The following PTK2B variants were observed in gnomAD, a reference collection of about 807,000 sequenced individuals.
PTK2B encodes the protein protein tyrosine kinase 2 beta.
A neutral mutation model predicts 142.9 loss-of-function variants in PTK2B; 71 were observed. That is an observed-to-expected ratio of 0.50 (90% CI 0.41 to 0.61). The LOEUF is 0.61. PTK2B is among the 20% of genes least tolerant of loss of function. The pLI is 0.00. For missense variants in PTK2B, 1,105 were observed against 1,320.4 expected (o/e 0.84, Z 2.53); for synonymous variants, 519 against 503.4 (o/e 1.03, Z -0.42).
At chr8:27,401,338 T>C (rs1279841710) in intron 2 of PTK2B, among the ~76,000 whole-genome samples, 2 of 152,150 alleles carry the variant, frequency 1.3e-5, no homozygotes, top group African/African-American at 4.8e-5. Context: ...TGGCTGGTAG[T>C]GTCAGATGCT....
intron 2 of PTK2B, among the ~76,000 whole-genome samples, chr8:27,398,898 G>A (rs2131433163): frequency 6.6e-6 from 1 of 152,312 alleles, no homozygotes; most frequent in South Asian, 2.1e-4. Context: ...AATTGATTAT[G>A]TCACTGTCAT....
At chr8:27,450,508 G>A (rs41465447) in intron 24 of PTK2B, among the ~76,000 whole-genome samples, 1,956 of 152,262 alleles carry the variant, frequency 0.013, 89 homozygotes, top group East Asian at 0.12. Flanking sequence ...TGAATACAGC[G>A]CACGTTGAGC....
chr8:27,349,659 A>G (rs1415095743), intron 1 of PTK2B, among the ~76,000 whole-genome samples: 1 of 152,250 alleles, frequency 6.6e-6, no homozygotes, highest in East Asian at 1.9e-4. Context: ...AAGAGCTGCT[A>G]TAAAACTCAA....
intron 2 of PTK2B, among the ~76,000 whole-genome samples, chr8:27,312,722 A>G (rs1803005724): frequency 6.6e-6 from 1 of 152,244 alleles, no homozygotes; most frequent in Non-Finnish European, 1.5e-5. Context: ...GGCAGGTCAT[A>G]GAAACCAGAA....
rs764579425 is a variant in PTK2B, at chr8:27,439,100, C to G, written c.1713C>G (p.Ser571=). 8.7e-6 allele frequency: 14 copies of G among 1,613,820 alleles called. 1 individual carries two copies. In the Admixed American group the frequency reaches 2.3e-4, roughly 27 times the overall value. ...ECVKLGDFGL[S]RYIEDEDYYK... is the part of the protein sequence containing the mutation. ...TGAAGCTGGGGGACTTTGGTCTTTC[C>G]CGGTACATTGAGGACGAGGACTATT... The change falls in exon 19 of 31, where the codon TCC becomes TCG. Residue 571 remains serine, a synonymous_variant. Coordinates refer to ENST00000346049, the MANE Select transcript of PTK2B (RefSeq NM_173176.3).
chr8:27,341,641 G>A (rs1040217856), intron 1 of PTK2B, among the ~76,000 whole-genome samples: 2 of 152,096 alleles, frequency 1.3e-5, no homozygotes, highest in Non-Finnish European at 2.9e-5. Context: ...GGAGTCAGTG[G>A]CATCAGAATC....
At chr8:27,343,588 T>G (rs976809744) in intron 1 of PTK2B, among the ~76,000 whole-genome samples, 12 of 152,232 alleles carry the variant, frequency 7.9e-5, no homozygotes, top group African/African-American at 2.9e-4. Context: ...GCTCACAGAA[T>G]GCACCTTCAG....
intron 2 of PTK2B, among the ~76,000 whole-genome samples, chr8:27,412,363 T>C (rs1724310049): frequency 6.6e-6 from 1 of 152,150 alleles, no homozygotes; most frequent in Admixed American, 6.5e-5. Context: ...TAGTATAGAT[T>C]CAGGTGTAGT....
Position 27,426,731 on chromosome 8 carries a change from T to A in PTK2B, c.552-3362T>A, listed in dbSNP as rs1221145851. On this transcript the variant is annotated intron_variant, in intron 5 of 30. Transcript: ENST00000346049. Reference sequence around the variant, plus strand: ...GAAGGGCCATTTGGGACACAGGGAGTGGCCTAAGCAAGCTGGATTCAGGAG... The same window carrying A: ...GAAGGGCCATTTGGGACACAGGGAGAGGCCTAAGCAAGCTGGATTCAGGAG... Among the ~76,000 whole-genome samples, 5 of 152,224 alleles carry A rather than the reference T, an allele frequency of 3.3e-5. No individual in the cohort carries two copies. In the East Asian group the frequency reaches 7.7e-4, roughly 24 times the overall value.
At chr8:27,348,750 G>A (rs2130401243) in intron 1 of PTK2B, among the ~76,000 whole-genome samples, 1 of 152,186 alleles carries the variant, frequency 6.6e-6, no homozygotes, top group South Asian at 2.1e-4. Context: ...GGTTCTTGAA[G>A]GGCCGGATCT....
Position 27,445,743 on chromosome 8 carries a change from T to C in PTK2B, c.2215-51T>C, listed in dbSNP as rs754703768. Reference sequence around the variant, plus strand: ...CTCGTGTTTGTAGCAGCTAATTGTCTACCTTCTCGCTTTGTCCCGTGCCTT... The same window carrying C: ...CTCGTGTTTGTAGCAGCTAATTGTCCACCTTCTCGCTTTGTCCCGTGCCTT... On this transcript the variant is annotated intron_variant, in intron 23 of 30. Coordinates refer to ENST00000346049, the MANE Select transcript of PTK2B (RefSeq NM_173176.3). The C allele has an allele frequency of 3.1e-6, 5 of 1,607,854 alleles. No individual in the cohort carries two copies. In the South Asian group the frequency reaches 5.5e-5, roughly 18 times the overall value.
Position 27,437,188 on chromosome 8 carries a change from A to C in PTK2B, c.1408A>C (p.Lys470Gln). The C allele has an allele frequency of 6.2e-7, 1 of 1,613,892 alleles. No homozygotes were observed. Among genetic ancestry groups the C allele is most frequent in the Non-Finnish European group, 8.5e-7 (1 of 1,179,888 alleles). Residue 470 changes from lysine to glutamine, a missense_variant, in exon 16 of 31, where the codon AAG becomes CAG. Coordinates refer to ENST00000346049, the MANE Select transcript of PTK2B (RefSeq NM_173176.3). ...AGACTGCACTCTGGACAACAAGGAG[A>C]AGTTCATGAGCGAGGCAGGTAGGGA... ...KKDCTLDNKE[K>Q]FMSEAVIMKN...
intron 2 of PTK2B, among the ~76,000 whole-genome samples, chr8:27,413,872 C>T (rs1171327583): frequency 6.6e-6 from 1 of 152,166 alleles, no homozygotes; most frequent in Non-Finnish European, 1.5e-5. Flanking sequence ...ATCCTTTCTT[C>T]TACATTTATT....
chr8:27,381,465 TTAACA>T (rs569130444), intron 1 of PTK2B, among the ~76,000 whole-genome samples: 78 of 152,380 alleles, frequency 5.1e-4, no homozygotes, highest in African/African-American at 1.7e-3. Context: ...CTTATTTCAC[TTAACA>T]TAACATCCTC....
chr8:27,392,545 G>A (rs1352617804), intron 1 of PTK2B, among the ~76,000 whole-genome samples: 1 of 152,152 alleles, frequency 6.6e-6, no homozygotes, highest in African/African-American at 2.4e-5. Flanking sequence ...CTTTATAGGG[G>A]AGGAAAATGA....
chr8:27,443,974 A>G (rs1991570), intron 22 of PTK2B, among the ~76,000 whole-genome samples: 73,397 of 152,052 alleles, frequency 0.48, 18,296 homozygotes, highest in African/African-American at 0.6. Flanking sequence ...TAACCCTCCA[A>G]TTAGCCATAG....
At chr8:27,451,545 T>C (rs1563303348) in intron 27 of PTK2B, 36 bp downstream of exon 27, 4 of 1,613,854 alleles carry the variant, frequency 2.5e-6, no homozygotes, top group African/African-American at 1.3e-5. Context: ...GGGTTTCCTC[T>C]TGGCACCTTG....
chr8:27,430,773 G>A, intron 7 of PTK2B, 103 bp from the exon 8 acceptor site: 1 of 1,465,392 alleles, frequency 6.8e-7, no homozygotes, highest in East Asian at 2.3e-5. Flanking sequence ...AAGGCCCTGG[G>A]GATCATTTTC....
intron 1 of PTK2B, among the ~76,000 whole-genome samples, chr8:27,361,455 C>T (rs2130768704): frequency 6.6e-6 from 1 of 152,258 alleles, no homozygotes; most frequent in African/African-American, 2.4e-5. Flanking sequence ...AACTCCTGGC[C>T]TCAAGCGATG....
Sources: allele counts gnomAD v4.1 joint callset (sites outside exome capture counted in the v4.1 genomes callset), GRCh38; gene constraint gnomAD v4.1.1; transcripts MANE v1.5; gene names NCBI Gene and HGNC (gene_info 2026-07-23, HGNC 2026-07-21).